SNIP1: variants seen among roughly 807,000 people sequenced by gnomAD.
SNIP1 encodes Smad nuclear interacting protein 1.
In SNIP1, 23 loss-of-function variants were observed where a neutral mutation model predicts 37.4. That is an observed-to-expected ratio of 0.61 (90% confidence interval 0.44 to 0.87). The LOEUF (loss-of-function observed/expected upper bound fraction) is 0.87, where lower values mean the gene tolerates loss of function less well. SNIP1 is among the 40% of genes least tolerant of loss of function. The pLI, the probability that SNIP1 is intolerant of heterozygous loss-of-function variation, is 0.00. For missense variants in SNIP1, 459 were observed against 540.4 expected (o/e 0.85, Z 1.49); for synonymous variants, 174 against 200.0 (o/e 0.87, Z 1.10).
At chr1:37,547,814 C>T (rs1333261629) in intron 2 of SNIP1, among the ~76,000 whole-genome samples, 1 of 151,626 alleles carries the variant, frequency 6.6e-6, no homozygotes, top group Admixed American at 6.6e-5. Flanking sequence ...CATTTGGTAT[C>T]CTCAGGAGAT....
chr1:37,551,895 G>C (rs1425481210), intron 2 of SNIP1, among the ~76,000 whole-genome samples: 1 of 152,198 alleles, frequency 6.6e-6, no homozygotes, highest in African/African-American at 2.4e-5. Context: ...ATTTATCCCA[G>C]AGAAATGAAC....
intron 2 of SNIP1, chr1:37,544,691 G>T: frequency 3.5e-6 from 2 of 575,336 alleles, no homozygotes; most frequent in African/African-American, 1.8e-5. Context: ...TGGGCCCTCT[G>T]ACTGTCCCAA....
chr1:37,538,025 A>G lies in SNIP1; in HGVS notation c.927-13T>C, dbSNP rs1262298597. 1.9e-6 allele frequency: 3 copies of G among 1,575,094 alleles called. No homozygotes were observed. The highest frequency in any genetic ancestry group is 2.6e-6 in the Non-Finnish European group (3 of 1,163,088). Reference sequence around the variant, plus strand: ...ATATTCCACAAGCCTAGCAGAAAAAAAGGAGAAACCTGTGAGCAAACTTCT... The same window carrying G: ...ATATTCCACAAGCCTAGCAGAAAAAGAGGAGAAACCTGTGAGCAAACTTCT... On this transcript the variant is annotated splice_polypyrimidine_tract_variant and intron_variant, in intron 3 of 3. Coordinates refer to ENST00000296215, the MANE Select transcript of SNIP1 (RefSeq NM_024700.4).
chr1:37,540,536 T>G lies in SNIP1; in HGVS notation c.547A>C (p.Asn183His), dbSNP rs995285439. 1.2e-6 allele frequency: 2 copies of G among 1,614,038 alleles called. No individual in the cohort carries two copies. The highest frequency in any genetic ancestry group is 1.7e-6 in the Non-Finnish European group (2 of 1,180,008). ...QAQEEEREFYNARRREHRQRN... is the reference protein window; with the variant it reads ...QAQEEEREFYHARRREHRQRN... ...TGGCGATGCTCCCGTCGCCTGGCAT[T>G]ATAAAACTCCCGCTCTTCTTCCTGA... Residue 183 changes from asparagine to histidine, a missense_variant, in exon 3 of 4, where the codon AAT (asparagine) becomes CAT (histidine). Transcript: ENST00000296215. The surrounding 1 kb of genome is among the most constrained non-coding windows in gnomAD (Gnocchi z 5.6).
At chr1:37,550,324 C>A (rs769460802) in intron 2 of SNIP1, among the ~76,000 whole-genome samples, 2 of 152,142 alleles carry the variant, frequency 1.3e-5, no homozygotes, top group Non-Finnish European at 2.9e-5. Flanking sequence ...ATTTGTAAAC[C>A]ATTTATCCCC....
chr1:37,553,632 G>C (rs1174739462), intron 1 of SNIP1, among the ~76,000 whole-genome samples: 1 of 151,890 alleles, frequency 6.6e-6, no homozygotes, highest in Non-Finnish European at 1.5e-5. Flanking sequence ...CTTAGACCTC[G>C]ATGTGAAAAC....
At chr1:37,547,438 G>A (rs931917076) in intron 2 of SNIP1, among the ~76,000 whole-genome samples, 4 of 152,022 alleles carry the variant, frequency 2.6e-5, no homozygotes, top group African/African-American at 7.2e-5. Context: ...CATTTGTTTC[G>A]AAAATGGTGG....
In SNIP1 at chr1:37,554,169, C is replaced by T; in HGVS notation, c.61G>A (p.Val21Met). 6.2e-7 allele frequency: 1 copy of T among 1,612,744 alleles called. No individual in the cohort carries two copies. The highest frequency in any genetic ancestry group is 8.5e-7 in the Non-Finnish European group (1 of 1,179,276). Reference sequence around the variant, plus strand: ...ACCACCACCCCCGCCGGCAGCACCACGTCCCCGTCCCGGTGTCTTCGCCGG... The same window carrying T: ...ACCACCACCCCCGCCGGCAGCACCATGTCCCCGTCCCGGTGTCTTCGCCGG... ...GSRRRHRDGD[V>M]VLPAGVVVKQ... Residue 21 changes from valine to methionine, a missense_variant, in exon 1 of 4, where the codon GTG becomes ATG. Physicochemically the swap from Val to Met is conservative, Grantham distance 21. Coordinates refer to ENST00000296215, the MANE Select transcript of SNIP1 (RefSeq NM_024700.4).
At chr1:37,539,354 C>T (rs1643139583) in intron 3 of SNIP1, among the ~76,000 whole-genome samples, 1 of 152,146 alleles carries the variant, frequency 6.6e-6, no homozygotes, top group African/African-American at 2.4e-5. Context: ...TCAGTCTTCT[C>T]ATCTGTCAAA....
chr1:37,554,116 G>GAT lies in SNIP1; in HGVS notation c.113_114insAT (p.Ala39SerfsTer70). On this transcript the variant is annotated frameshift_variant, in exon 1 of 4. Coordinates refer to ENST00000296215, the MANE Select transcript of SNIP1 (RefSeq NM_024700.4). LOFTEE classifies it high-confidence loss of function. ...CCGGACGGCGGTGGGCGGGAGGTGC[G>GAT]ACTTCTGGGCTGAGACGCTCCTGCT... The GAT allele has an allele frequency of 6.2e-7, 1 of 1,612,654 alleles. No homozygotes were observed.
intron 2 of SNIP1, chr1:37,541,024 C>T: frequency 2.9e-6 from 1 of 341,622 alleles, no homozygotes. Flanking sequence ...CTATTTAGTC[C>T]AGAAAGGAGA....
chr1:37,554,140 C>A lies in SNIP1; in HGVS notation c.90G>T (p.Lys30Asn), dbSNP rs1490136755. ...DVVLPAGVVVKQERLSPEVAP... is the reference protein window; with the variant it reads ...DVVLPAGVVVNQERLSPEVAP... The stretch of plus-strand genomic sequence containing the variant: ...CGACTTCTGGGCTGAGACGCTCCTG[C>A]TTCACCACCACCCCCGCCGGCAGCA... Residue 30 changes from lysine (K) to asparagine (N), a missense_variant, in exon 1 of 4, where the codon AAG becomes AAT. By Grantham distance (94) the Lys-to-Asn change is moderately conservative (BLOSUM62 0). Transcript: ENST00000296215. 2 of 1,613,008 alleles carry A rather than the reference C, an allele frequency of 1.2e-6. No individual in the cohort carries two copies. The highest frequency in any genetic ancestry group is 1.7e-6 in the Non-Finnish European group (2 of 1,179,568).
In SNIP1 at chr1:37,536,801, C is replaced by CT. The variant is rs1451504604; in HGVS notation, c.*946dup. 1 of 152,156 alleles carries CT rather than the reference C, an allele frequency of 6.6e-6. No individual in the cohort carries two copies. The highest frequency in any genetic ancestry group is 1.9e-4 in the East Asian group (1 of 5,198). 9.4% of individuals were successfully genotyped at this position (152,156 alleles called of 1,614,324 possible). ...CCTTGGGAAGGTAAATACAACCTCT[C>CT]TCAACAACTTTTTAAAGGATGAAAT... On this transcript the variant is annotated 3_prime_UTR_variant, in exon 4 of 4. Transcript: ENST00000296215.
intron 2 of SNIP1, among the ~76,000 whole-genome samples, chr1:37,545,821 A>C (rs1349933522): frequency 6.6e-6 from 1 of 152,000 alleles, no homozygotes; most frequent in Non-Finnish European, 1.5e-5. Context: ...AATAAAAATA[A>C]AATTAAAAAC....
chr1:37,545,871 T>C (rs1274874740), intron 2 of SNIP1, among the ~76,000 whole-genome samples: 1 of 152,116 alleles, frequency 6.6e-6, no homozygotes, highest in African/African-American at 2.4e-5. Context: ...GGATGGCTAC[T>C]ATCAAAAAAC....
chr1:37,544,825 C>A, intron 2 of SNIP1: 1 of 766,246 alleles, frequency 1.3e-6, no homozygotes, highest in Non-Finnish European at 2.4e-6. Context: ...GCCAGATCAA[C>A]GTGGAGCTCT....
Position 37,552,705 on chromosome 1 carries a change from G to A in SNIP1, c.267C>T (p.Ser89=). 1.2e-6 allele frequency: 2 copies of A among 1,614,184 alleles called. No individual in the cohort carries two copies. The highest frequency in any genetic ancestry group is 8.5e-7 in the Non-Finnish European group (1 of 1,180,030). Reference sequence around the variant, plus strand: ...GGTTTCTCTTACTGCGAGGAGACTTGCTTCTTCTCCCTGAGGCCTTGTTTT... The same window carrying A: ...GGTTTCTCTTACTGCGAGGAGACTTACTTCTTCTCCCTGAGGCCTTGTTTT... ...KKKNKASGRR[S]KSPRSKRNRS... Residue 89 remains serine (S), a synonymous_variant, in exon 2 of 4, where the codon AGC becomes AGT. Coordinates refer to ENST00000296215, the MANE Select transcript of SNIP1 (RefSeq NM_024700.4).
intron 2 of SNIP1, chr1:37,545,021 C>G (rs956320785): frequency 1.3e-6 from 1 of 760,450 alleles, no homozygotes; most frequent in African/African-American, 1.7e-5. Context: ...GAAACCAGAC[C>G]ATGATGACTG....
At chr1:37,553,798 GGTTA>G in intron 1 of SNIP1, among the ~76,000 whole-genome samples, 1 of 152,172 alleles carries the variant, frequency 6.6e-6, no homozygotes, top group East Asian at 1.9e-4. Context: ...GGATCCTGCC[GGTTA>G]GTCATTAGGC....
Sources: allele counts gnomAD v4.1 joint callset (sites outside exome capture counted in the v4.1 genomes callset), GRCh38; gene constraint gnomAD v4.1.1; non-coding constraint Gnocchi (gnomAD v3.1); transcripts MANE v1.5; gene names NCBI Gene and HGNC (gene_info 2026-07-23, HGNC 2026-07-21).